Variants in NBAS observed in about 807,000 individuals in gnomAD.
NBAS encodes the protein NAG/BC035112 fusion.
A neutral mutation model predicts 302.5 loss-of-function variants in NBAS; 219 were observed. The ratio of observed to expected loss-of-function variants is 0.72; its 90% CI spans 0.65 to 0.81. NBAS has a LOEUF of 0.81. Ranked by LOEUF, NBAS falls within the 30% of genes least tolerant of loss-of-function variation. NBAS has a pLI of 0.00. For missense variants in NBAS, 2,932 were observed against 2,841.6 expected (o/e 1.03, Z -0.72); for synonymous variants, 1,118 against 1,021.6 (o/e 1.09, Z -1.80).
intron 6 of NBAS, among the ~76,000 whole-genome samples, chr2:15,541,217 C>T (rs1572991684): frequency 1.3e-5 from 2 of 152,152 alleles, no homozygotes; most frequent in East Asian, 3.9e-4. Context: ...ACCTATTTGC[C>T]CCACAAGTCT....
At chr2:15,321,518 G>A (rs1424815813) in intron 38 of NBAS, among the ~76,000 whole-genome samples, 1 of 152,082 alleles carries the variant, frequency 6.6e-6, no homozygotes. Context: ...CTAATATCCA[G>A]AATCTACAAA....
chr2:14,815,485 G>C, the NBAS span, among the ~76,000 whole-genome samples: 10 of 152,216 alleles, frequency 6.6e-5, no homozygotes, highest in Non-Finnish European at 1.3e-4. Context: ...TCCGAAAGCT[G>C]TGTCAACAAT....
intron 44 of NBAS, among the ~76,000 whole-genome samples, chr2:15,271,503 G>A (rs965147883): frequency 2.6e-5 from 4 of 152,164 alleles, no homozygotes; most frequent in African/African-American, 9.7e-5. Flanking sequence ...AGGGGAGTGG[G>A]TAAATACCTA....
At chr2:14,793,365 A>T in the NBAS span, among the ~76,000 whole-genome samples, 258 of 152,332 alleles carry the variant, frequency 1.7e-3, no homozygotes, top group African/African-American at 6.0e-3. Context: ...ATCTCAGCAA[A>T]GATGAAAAGG....
At chr2:14,862,265 C>T in the NBAS span, among the ~76,000 whole-genome samples, 3 of 151,672 alleles carry the variant, frequency 2.0e-5, no homozygotes, top group Non-Finnish European at 4.4e-5. Flanking sequence ...CAGCCTCCCA[C>T]GTACCAACAC....
the NBAS span, among the ~76,000 whole-genome samples, chr2:15,006,799 T>C: frequency 7.7e-3 from 1,173 of 152,338 alleles, 4 homozygotes; most frequent in Middle Eastern, 0.031. Flanking sequence ...TCAGCAGTAC[T>C]TGGGACAGGC....
chr2:14,871,300 C>T, the NBAS span, among the ~76,000 whole-genome samples: 1 of 151,878 alleles, frequency 6.6e-6, no homozygotes, highest in African/African-American at 2.4e-5. Context: ...AACAAAGAAA[C>T]TTACAGACTC....
At chr2:15,301,363 T>C (rs1481257694) in intron 40 of NBAS, among the ~76,000 whole-genome samples, 1 of 152,200 alleles carries the variant, frequency 6.6e-6, no homozygotes, top group Non-Finnish European at 1.5e-5. Context: ...AACAGCAGAA[T>C]GAACGTGAAA....
chr2:15,037,075 T>A, the NBAS span, among the ~76,000 whole-genome samples: 1 of 152,134 alleles, frequency 6.6e-6, no homozygotes, highest in Non-Finnish European at 1.5e-5. Context: ...AAACAGTGTT[T>A]TTTGGAGCTT....
the NBAS span, among the ~76,000 whole-genome samples, chr2:15,104,915 T>C: frequency 1.6e-3 from 249 of 152,288 alleles, no homozygotes; most frequent in African/African-American, 5.6e-3. Context: ...TTCTTGTAAA[T>C]TTGTTTAAGT....
chr2:15,353,116 T>A (rs1312874323), intron 34 of NBAS, among the ~76,000 whole-genome samples: 1 of 152,212 alleles, frequency 6.6e-6, no homozygotes, highest in Non-Finnish European at 1.5e-5. Context: ...GCAGATCTAT[T>A]CTGTGAATTT....
intron 25 of NBAS, among the ~76,000 whole-genome samples, chr2:15,411,876 A>G (rs1031588974): frequency 1.3e-5 from 2 of 152,198 alleles, no homozygotes; most frequent in Non-Finnish European, 2.9e-5. Context: ...TTACTAGTTT[A>G]GAAGTCAGAG....
chr2:15,523,524 C>T (rs2148664542), intron 9 of NBAS, among the ~76,000 whole-genome samples: 1 of 152,296 alleles, frequency 6.6e-6, no homozygotes, highest in Middle Eastern at 3.4e-3. Context: ...TACCACTTCA[C>T]ATCAGGGACT....
the NBAS span, among the ~76,000 whole-genome samples, chr2:14,960,266 C>A: frequency 6.6e-6 from 1 of 152,196 alleles, no homozygotes; most frequent in Admixed American, 6.5e-5. Context: ...ATACTCCTCA[C>A]TGCTATCTAC....
chr2:15,277,055 A>C lies in NBAS; in HGVS notation c.5185T>G (p.Phe1729Val), dbSNP rs778307927. 48 of 1,613,720 alleles carry C rather than the reference A, an allele frequency of 3.0e-5. No individual in the cohort carries two copies. The Admixed American group carries it at 6.8e-4, about 23-fold the overall frequency. The change falls in exon 43 of 52, where the codon TTT (phenylalanine) becomes GTT (valine). Residue 1729 changes from phenylalanine (F) to valine (V), a missense_variant. Transcript: ENST00000281513. ...IENRAQDLHL[F>V]ETLKTDPEAF... is the part of the protein sequence containing the mutation. ...TCTGGATCAGTCTTCAAAGTCTCAA[A>C]GAGATGAAGGTCTTGGGCTCTATTT... is the stretch of plus-strand genomic sequence containing the variant.
At chr2:14,957,765 G>A in the NBAS span, among the ~76,000 whole-genome samples, 10 of 152,252 alleles carry the variant, frequency 6.6e-5, no homozygotes, top group East Asian at 1.9e-3. Flanking sequence ...AGATAAGTCA[G>A]CCCCCTGCAC....
chr2:14,931,611 C>A, the NBAS span, among the ~76,000 whole-genome samples: 1 of 152,220 alleles, frequency 6.6e-6, no homozygotes, highest in Non-Finnish European at 1.5e-5. Flanking sequence ...ATAACAGCAA[C>A]TGAACACAAA....
At chr2:15,355,052 G>C (rs936434924) in intron 33 of NBAS, among the ~76,000 whole-genome samples, 1 of 152,142 alleles carries the variant, frequency 6.6e-6, no homozygotes, top group Non-Finnish European at 1.5e-5. Flanking sequence ...CCCTATTGCA[G>C]TGGTCTTCAT....
At chr2:14,951,152 C>T in the NBAS span, among the ~76,000 whole-genome samples, 1 of 152,180 alleles carries the variant, frequency 6.6e-6, no homozygotes, top group South Asian at 2.1e-4. Context: ...ATGTGAGTTT[C>T]ACCCTCCAGT....
Sources: allele counts gnomAD v4.1 joint callset (sites outside exome capture counted in the v4.1 genomes callset), GRCh38; gene constraint gnomAD v4.1.1; transcripts MANE v1.5; gene names NCBI Gene and HGNC (gene_info 2026-07-23, HGNC 2026-07-21).